Variants in HDAC8 observed in about 807,000 individuals in gnomAD.
HDAC8 encodes the protein histone deacetylase-like 1.
In HDAC8, 1 loss-of-function variant was observed where a neutral mutation model predicts 32.2. The ratio of observed to expected loss-of-function variants is 0.03; its 90% confidence interval spans 0.01 to 0.15. The LOEUF (loss-of-function observed/expected upper bound fraction) is 0.15. HDAC8 is among the 10% of genes least tolerant of loss of function. The probability of loss-of-function intolerance (pLI) is 1.00; values close to 1 mark genes in which losing one functional copy is unlikely to be tolerated. For synonymous variants in HDAC8, 108 were observed against 113.9 expected (o/e 0.95, Z 0.33); for missense variants, 117 against 300.0 (o/e 0.39, Z 4.51).
chrX:72,358,331 T>C (rs1241788115), intron 9 of HDAC8, among the ~76,000 whole-genome samples: 2 of 111,929 alleles, frequency 1.8e-5, no homozygotes, highest in Admixed American at 9.5e-5. Flanking sequence ...GGAAGTACTT[T>C]ATGGTTTCTC....
chrX:72,561,639 C>A (rs1280365296), intron 4 of HDAC8, among the ~76,000 whole-genome samples: 2 of 112,143 alleles, frequency 1.8e-5, no homozygotes, highest in Non-Finnish European at 3.8e-5. Context: ...GAATTCATGA[C>A]CAAAGACCCA....
At chrX:72,464,836 G>GA in intron 7 of HDAC8, 105 bp from the exon 8 acceptor site, 2 of 514,141 alleles carry the variant, frequency 3.9e-6, no homozygotes, top group Non-Finnish European at 6.5e-6. Context: ...ATAGTTAAGG[G>GA]AAAAAAACAC....
chrX:72,434,515 GATA>G (rs1246061496), intron 9 of HDAC8, among the ~76,000 whole-genome samples: 1 of 111,017 alleles, frequency 9.0e-6, no homozygotes, highest in Non-Finnish European at 1.9e-5. Flanking sequence ...ATTCATATAT[GATA>G]ATATTTAATT....
At chrX:72,471,708 A>T (rs2048182205) in intron 7 of HDAC8, among the ~76,000 whole-genome samples, 1 of 111,843 alleles carries the variant, frequency 8.9e-6, no homozygotes, top group Non-Finnish European at 1.9e-5. Flanking sequence ...TTGTCTTTTT[A>T]ATATGGAGTT....
At chrX:72,359,093 G>A (rs782287907) in intron 9 of HDAC8, among the ~76,000 whole-genome samples, 4 of 107,469 alleles carry the variant, frequency 3.7e-5, no homozygotes, top group Admixed American at 1.0e-4. Flanking sequence ...AGTTTGATAC[G>A]GGGGTAGGGC....
At chrX:72,390,545 C>T (rs1268336984) in intron 9 of HDAC8, among the ~76,000 whole-genome samples, 2 of 111,846 alleles carry the variant, frequency 1.8e-5, no homozygotes, top group African/African-American at 6.5e-5. Flanking sequence ...CAAGGAAGCA[C>T]TCAATGACTA....
At chrX:72,440,603 G>T (rs146794254) in intron 9 of HDAC8, among the ~76,000 whole-genome samples, 52 of 112,111 alleles carry the variant, frequency 4.6e-4, no homozygotes, top group South Asian at 1.1e-3. Flanking sequence ...GAGCGTGAGC[G>T]ACGCAGAAGA....
intron 9 of HDAC8, among the ~76,000 whole-genome samples, chrX:72,411,233 C>T (rs1318207568): frequency 3.6e-5 from 4 of 110,199 alleles, no homozygotes; most frequent in African/African-American, 1.3e-4. Context: ...AACCTGTTGG[C>T]CAGTCTGGTC....
chrX:72,392,331 T>G (rs1555964142), intron 9 of HDAC8, among the ~76,000 whole-genome samples: 1 of 111,684 alleles, frequency 9.0e-6, no homozygotes, highest in African/African-American at 3.3e-5. Flanking sequence ...GGTTAAGGCA[T>G]TAGCTACAGA....
At chrX:72,529,627 T>G (rs1603187189) in intron 4 of HDAC8, among the ~76,000 whole-genome samples, 1 of 112,683 alleles carries the variant, frequency 8.9e-6, no homozygotes, top group African/African-American at 3.2e-5. Flanking sequence ...TTTAAGCTAC[T>G]AAATTTGTAG....
At chrX:72,441,940 G>A (rs1428887707) in intron 9 of HDAC8, among the ~76,000 whole-genome samples, 1 of 111,306 alleles carries the variant, frequency 9.0e-6, no homozygotes, top group East Asian at 2.8e-4. Context: ...TATCAGTGAT[G>A]GAAGATCAAA....
intron 4 of HDAC8, among the ~76,000 whole-genome samples, chrX:72,516,537 G>C (rs1196503063): frequency 9.0e-6 from 1 of 111,006 alleles, no homozygotes. Context: ...GAACCTGCCT[G>C]AGTACTTACG....
At chrX:72,529,151 T>C (rs1255093297) in intron 4 of HDAC8, among the ~76,000 whole-genome samples, 1 of 112,436 alleles carries the variant, frequency 8.9e-6, no homozygotes, top group Non-Finnish European at 1.9e-5. Context: ...GTGCCTGCTA[T>C]GTAGTAAATA....
At chrX:72,562,474 G>A (rs1234248861) in intron 4 of HDAC8, among the ~76,000 whole-genome samples, 1 of 111,441 alleles carries the variant, frequency 9.0e-6, no homozygotes, top group East Asian at 2.8e-4. Context: ...TGGAAGATGA[G>A]CTATAAGGAC....
rs57481461 is a variant in HDAC8, at chrX:72,346,419, C to T, written c.1111+5314G>A. 5.8e-3 allele frequency among the ~76,000 whole-genome samples: 655 copies of T among 112,244 alleles called. 5 individuals carry two copies. The highest frequency in any genetic ancestry group is 0.019 in the African/African-American group (599 of 30,905). On this transcript the variant is annotated intron_variant, in intron 10 of 10. Coordinates refer to ENST00000373573, the MANE Select transcript of HDAC8 (RefSeq NM_018486.3). ...AAGCCAAGTTTCCATGGTATAGAGTCCCACCATGCAGGAGCACTGCTTCAA... is the reference window on the plus strand; with the variant it reads ...AAGCCAAGTTTCCATGGTATAGAGTTCCACCATGCAGGAGCACTGCTTCAA...
chrX:72,559,020 T>C (rs1227052725), intron 4 of HDAC8, among the ~76,000 whole-genome samples: 1 of 83,849 alleles, frequency 1.2e-5, no homozygotes, highest in Non-Finnish European at 2.3e-5. Context: ...TACTTAAGAA[T>C]ATACCTAGCT....
intron 4 of HDAC8, among the ~76,000 whole-genome samples, chrX:72,511,503 C>T (rs2049583547): frequency 9.0e-6 from 1 of 111,547 alleles, no homozygotes; most frequent in South Asian, 3.8e-4. Flanking sequence ...TCCTGGCACA[C>T]AAGATGAGTG....
In HDAC8 at chrX:72,329,996, G is replaced by T; in HGVS notation, c.*58C>A. The T allele has an allele frequency of 2.8e-6, 3 of 1,062,434 alleles. No individual in the cohort carries two copies. Among genetic ancestry groups the T allele is most frequent in the Non-Finnish European group, 3.9e-6 (3 of 765,498 alleles). 87.6% of individuals were successfully genotyped at this position (1,062,434 alleles called of 1,213,427 possible). On this transcript the variant is annotated 3_prime_UTR_variant, in exon 11 of 11. Coordinates refer to ENST00000373573, the MANE Select transcript of HDAC8 (RefSeq NM_018486.3). Reference sequence around the variant, plus strand: ...TTCCACAAACTGCTTGCATAAACACGCTGTCTTCATTATAGGCACCACTCC... The same window carrying T: ...TTCCACAAACTGCTTGCATAAACACTCTGTCTTCATTATAGGCACCACTCC...
intron 9 of HDAC8, among the ~76,000 whole-genome samples, chrX:72,405,947 C>G (rs1160661373): frequency 8.9e-6 from 1 of 112,142 alleles, no homozygotes; most frequent in Non-Finnish European, 1.9e-5. Flanking sequence ...GCTCTTTGCT[C>G]TCTACCCTTA....
Sources: allele counts gnomAD v4.1 joint callset (sites outside exome capture counted in the v4.1 genomes callset), GRCh38; gene constraint gnomAD v4.1.1; transcripts MANE v1.5; gene names NCBI Gene and HGNC (gene_info 2026-07-23, HGNC 2026-07-21).